SLC7A14: variants seen among roughly 807,000 people sequenced by gnomAD.
SLC7A14 encodes solute carrier family 7 member 14.
In SLC7A14, 37 loss-of-function variants were observed where a neutral mutation model predicts 60.2. The ratio of observed to expected loss-of-function variants is 0.61; its 90% CI spans 0.47 to 0.81. The LOEUF is 0.81. Ranked by LOEUF, SLC7A14 falls within the 30% of genes least tolerant of loss-of-function variation. The pLI is 0.00. For synonymous variants in SLC7A14, 399 were observed against 395.8 expected, an observed-to-expected ratio of 1.01 and a Z score of -0.10; for missense variants, 886 against 982.7, an observed-to-expected ratio of 0.90 and a Z score of 1.32.
At chr3:170,539,778 G>A (rs1713959214) in intron 1 of SLC7A14, among the ~76,000 whole-genome samples, 1 of 152,122 alleles carries the variant, frequency 6.6e-6, no homozygotes, top group African/African-American at 2.4e-5. Context: ...CTCCACAGTA[G>A]ATGCTTGAAA....
In SLC7A14 at chr3:170,485,436, G is replaced by A. The variant is rs552060632; in HGVS notation, c.906+786C>T. ...TAATTGTGGTGACCCAAGTGAGTGC[G>A]CCCCTCAGGACCTGAGAATGTTTGT... On this transcript the variant is annotated intron_variant, in intron 5 of 7. Transcript: ENST00000231706. 3.3e-5 allele frequency among the ~76,000 whole-genome samples: 5 copies of A among 152,266 alleles called. No homozygotes were observed. In the East Asian group the frequency reaches 5.8e-4, roughly 18 times the overall value.
intron 1 of SLC7A14, among the ~76,000 whole-genome samples, chr3:170,574,190 G>C (rs1001189318): frequency 2.0e-5 from 3 of 152,034 alleles, no homozygotes; most frequent in African/African-American, 4.8e-5. Context: ...ATACCATCTG[G>C]TTTTGTCTTA....
At chr3:170,552,099 G>A (rs1292630363) in intron 1 of SLC7A14, among the ~76,000 whole-genome samples, 1 of 151,974 alleles carries the variant, frequency 6.6e-6, no homozygotes, top group African/African-American at 2.4e-5. Flanking sequence ...TAACAACTGA[G>A]GTAAGGGTCC....
chr3:170,524,395 A>G (rs1019021541), intron 2 of SLC7A14, among the ~76,000 whole-genome samples: 1 of 152,240 alleles, frequency 6.6e-6, no homozygotes, highest in Non-Finnish European at 1.5e-5. Context: ...ACTGCTCATG[A>G]GCACTGTGAT....
chr3:170,479,420 C>A (rs1484133837), intron 7 of SLC7A14, among the ~76,000 whole-genome samples: 5 of 152,192 alleles, frequency 3.3e-5, no homozygotes, highest in Non-Finnish European at 5.9e-5. Context: ...CCAGCCACCT[C>A]ATGAACATCA....
Position 170,463,132 on chromosome 3 carries a change from C to G in SLC7A14, c.*3923G>C, listed in dbSNP as rs764325226. 2.6e-5 allele frequency: 4 copies of G among 152,190 alleles called. No individual in the cohort carries two copies. Among genetic ancestry groups the G allele is most frequent in the Non-Finnish European group, 4.4e-5 (3 of 68,048 alleles). 9.4% of individuals were successfully genotyped at this position (152,190 alleles called of 1,614,324 possible). A position where few individuals can be genotyped will look rare whatever the true frequency, so the allele number is the denominator to read the frequency against. ...AAGCCAGTCAGCTCAGTGTGACATT[C>G]AAGTCTCTCTGTGAGTGATCCCTCA... On this transcript the variant is annotated 3_prime_UTR_variant, in exon 8 of 8. Transcript: ENST00000231706.
intron 7 of SLC7A14, 87 bp downstream of exon 7, chr3:170,480,202 G>T: frequency 7.3e-7 from 1 of 1,373,908 alleles, no homozygotes; most frequent in Non-Finnish European, 9.7e-7. Flanking sequence ...GAACGGAGTT[G>T]CCTAGTCCAG....
chr3:170,560,098 A>G (rs1181306595), intron 1 of SLC7A14, among the ~76,000 whole-genome samples: 1 of 152,240 alleles, frequency 6.6e-6, no homozygotes, highest in Non-Finnish European at 1.5e-5. Context: ...ATCGGGTTGG[A>G]GAGAAACAGC....
In SLC7A14 at chr3:170,507,236, A is replaced by G. The variant is rs536786239; in HGVS notation, c.305-5891T>C. On this transcript the variant is annotated intron_variant, in intron 2 of 7. Coordinates refer to ENST00000231706, the MANE Select transcript of SLC7A14 (RefSeq NM_020949.3). ...TTCTAATTTCCTTCCTTTATTCCACACACATTAAGTGGCTATGAAATGAGG... is the reference window on the plus strand; with the variant it reads ...TTCTAATTTCCTTCCTTTATTCCACGCACATTAAGTGGCTATGAAATGAGG... Among the ~76,000 whole-genome samples the G allele has an allele frequency of 2.0e-5, 3 of 152,310 alleles. No individual in the cohort carries two copies. In the South Asian group the frequency reaches 6.2e-4, roughly 32 times the overall value.
Position 170,526,873 on chromosome 3 carries a change from T to C in SLC7A14, c.64A>G (p.Met22Val), listed in dbSNP as rs1254500934. Residue 22 changes from methionine to valine, a missense_variant, in exon 2 of 8, where the codon ATG (methionine) becomes GTG (valine). Transcript: ENST00000231706. ...TTGGTGCGTAGGATCCTGGAGTGCATTGCATACCAGGCAGCTCCCCACTGC... is the reference window on the plus strand; with the variant it reads ...TTGGTGCGTAGGATCCTGGAGTGCACTGCATACCAGGCAGCTCCCCACTGC... ...RVQWGAAWYA[M>V]HSRILRTKPV... The C allele has an allele frequency of 1.7e-5, 27 of 1,613,858 alleles. No homozygotes were observed. The highest frequency in any genetic ancestry group is 2.2e-5 in the East Asian group (1 of 44,860).
intron 1 of SLC7A14, among the ~76,000 whole-genome samples, chr3:170,528,065 C>G (rs981455112): frequency 2.0e-5 from 3 of 152,274 alleles, no homozygotes; most frequent in East Asian, 1.9e-4. Context: ...CCTGGAACAG[C>G]CTGCCATCTG....
intron 7 of SLC7A14, 122 bp from the exon 8 acceptor site, chr3:170,467,499 G>GGGC: frequency 1.9e-6 from 1 of 523,074 alleles, no homozygotes. Flanking sequence ...TGGGGGCGGG[G>GGGC]ATGTATTTTC....
In SLC7A14 at chr3:170,532,671, GT is replaced by G. The variant is rs368903514; in HGVS notation, c.-152-5584del. Among the ~76,000 whole-genome samples the G allele has an allele frequency of 6.1e-4, 89 of 145,574 alleles. No individual in the cohort carries two copies. Among genetic ancestry groups the G allele is most frequent in the Admixed American group, 8.9e-4 (13 of 14,570 alleles). On this transcript the variant is annotated intron_variant, in intron 1 of 7. Transcript: ENST00000231706. This position sits in a 1 kb window ranked among gnomAD's most constrained non-coding sequence, Gnocchi z 4.0. ...ACCCTGCTGTGGCCCCTGACCAGGTGTTTTTTTTTTTTTGTTGTTGTTGTTC... is the reference window on the plus strand; with the variant it reads ...ACCCTGCTGTGGCCCCTGACCAGGTGTTTTTTTTTTTTGTTGTTGTTGTTC...
At chr3:170,509,607 C>T (rs1577524370) in intron 2 of SLC7A14, among the ~76,000 whole-genome samples, 4 of 151,968 alleles carry the variant, frequency 2.6e-5, no homozygotes, top group Non-Finnish European at 2.9e-5. Flanking sequence ...GTCAGGAGTT[C>T]GAGACCAGCC....
chr3:170,503,205 T>C (rs1217075506), intron 2 of SLC7A14, among the ~76,000 whole-genome samples: 1 of 152,224 alleles, frequency 6.6e-6, no homozygotes, highest in Non-Finnish European at 1.5e-5. Context: ...CCTTCCTTGA[T>C]GTCAGACTGT....
At chr3:170,553,849 CT>C (rs3077204) in intron 1 of SLC7A14, among the ~76,000 whole-genome samples, 215 of 142,880 alleles carry the variant, frequency 1.5e-3, no homozygotes, top group Non-Finnish European at 1.5e-3. Flanking sequence ...GTTAAAAAAA[CT>C]TTTTTTTTTT....
In SLC7A14 at chr3:170,483,542, C is replaced by T. The variant is rs369705092; in HGVS notation, c.907-20G>A. The stretch of plus-strand genomic sequence containing the variant: ...GCTCACCTGTTAAAACAAGAGAAGA[C>T]AGGGCTGGAGGTACAGGGGAAGAAC... On this transcript the variant is annotated intron_variant, in intron 5 of 7. Transcript: ENST00000231706. The T allele has an allele frequency of 3.1e-6, 5 of 1,613,794 alleles. No homozygotes were observed. The highest frequency in any genetic ancestry group is 1.6e-4 in the Middle Eastern group (1 of 6,080).
chr3:170,581,609 G>A (rs746194875), intron 1 of SLC7A14, among the ~76,000 whole-genome samples: 54 of 152,226 alleles, frequency 3.5e-4, no homozygotes, highest in Non-Finnish European at 5.0e-4. Flanking sequence ...CAAAAATACA[G>A]TCATATCAGA....
At chr3:170,476,535 C>T (rs1207285040) in intron 7 of SLC7A14, among the ~76,000 whole-genome samples, 1 of 152,186 alleles carries the variant, frequency 6.6e-6, no homozygotes, top group Admixed American at 6.5e-5. Flanking sequence ...ACAAAAGGCG[C>T]TCAGGGAGTT....
Sources: allele counts gnomAD v4.1 joint callset (sites outside exome capture counted in the v4.1 genomes callset), GRCh38; gene constraint gnomAD v4.1.1; non-coding constraint Gnocchi (gnomAD v3.1); transcripts MANE v1.5; gene names NCBI Gene and HGNC (gene_info 2026-07-23, HGNC 2026-07-21).